The following SPTLC2 variants were observed in gnomAD, a reference collection of about 807,000 sequenced individuals.
SPTLC2 encodes the protein serine palmitoyltransferase 2.
In SPTLC2, 21 loss-of-function variants were observed where a neutral mutation model predicts 62.0. That is an observed-to-expected ratio of 0.34 (90% CI 0.24 to 0.49). The LOEUF is 0.49. Ranked by LOEUF, SPTLC2 falls within the 20% of genes least tolerant of loss-of-function variation. The pLI is 0.99. For synonymous variants in SPTLC2, 261 were observed against 261.8 expected (o/e 1.00, Z 0.03); for missense variants, 511 against 713.0 (o/e 0.72, Z 3.23).
At chr14:77,591,920 T>C (rs552463986) in intron 2 of SPTLC2, among the ~76,000 whole-genome samples, 1 of 152,048 alleles carries the variant, frequency 6.6e-6, no homozygotes, top group South Asian at 2.1e-4. Flanking sequence ...AGACCGGGTT[T>C]CACCATGTTG....
chr14:77,508,757 A>C lies in SPTLC2; in HGVS notation c.*3527T>G, dbSNP rs567339680. 6.6e-6 allele frequency: 1 copy of C among 152,228 alleles called. No homozygotes were observed. The highest frequency in any genetic ancestry group is 2.4e-5 in the African/African-American group (1 of 41,528). 9.4% of individuals were successfully genotyped at this position (152,228 alleles called of 1,614,324 possible). A position where few individuals can be genotyped will look rare whatever the true frequency, so the allele number is the denominator to read the frequency against. On this transcript the variant is annotated 3_prime_UTR_variant, in exon 12 of 12. Transcript: ENST00000216484. ...AGGTAATGAAGAAATTTGAAAAAAAATTTTTTTTAAAAGCCAAAGGAGCTA... is the reference window on the plus strand; with the variant it reads ...AGGTAATGAAGAAATTTGAAAAAAACTTTTTTTTAAAAGCCAAAGGAGCTA...
rs769368301 is a variant in SPTLC2, at chr14:77,578,960, G to C, written c.477C>G (p.Ser159=). The change falls in exon 3 of 12, where the codon TCC becomes TCG. Residue 159 remains serine (S), a synonymous_variant. Coordinates refer to ENST00000216484, the MANE Select transcript of SPTLC2 (RefSeq NM_004863.4). ...MERQSHDYNW[S]FKYTGNIIKG... ...ATTTCCCAACCAAGACTCACTTGAAGGACCAGTTATAATCATGAGACTGTC... is the reference window on the plus strand; with the variant it reads ...ATTTCCCAACCAAGACTCACTTGAACGACCAGTTATAATCATGAGACTGTC... The C allele has an allele frequency of 6.2e-7, 1 of 1,613,994 alleles. No homozygotes were observed. Among genetic ancestry groups the C allele is most frequent in the Admixed American group, 1.7e-5 (1 of 59,994 alleles).
chr14:77,563,084 T>G (rs1302933205), intron 5 of SPTLC2, among the ~76,000 whole-genome samples: 3 of 149,422 alleles, frequency 2.0e-5, no homozygotes, highest in African/African-American at 7.7e-5. Flanking sequence ...GATCTCGGTT[T>G]GGTTTTTTTT....
chr14:77,616,048 G>A (rs1383510156), intron 1 of SPTLC2, among the ~76,000 whole-genome samples: 2 of 152,206 alleles, frequency 1.3e-5, no homozygotes, highest in African/African-American at 4.8e-5. Flanking sequence ...GACGACTGCA[G>A]GACTTTAAAA....
intron 3 of SPTLC2, among the ~76,000 whole-genome samples, chr14:77,577,247 C>T (rs1187597817): frequency 6.7e-6 from 1 of 150,134 alleles, no homozygotes; most frequent in Non-Finnish European, 1.5e-5. Flanking sequence ...CAGTAACTCC[C>T]GCACATGAGA....
chr14:77,562,286 C>T lies in SPTLC2; in HGVS notation c.850+110G>A, dbSNP rs1021423722. 17 of 961,640 alleles carry T rather than the reference C, an allele frequency of 1.8e-5. No homozygotes were observed. In the African/African-American group the frequency reaches 1.9e-4, roughly 11 times the overall value. The allele number at this position is 961,640 out of a possible 1,614,324, so 59.6% of individuals were successfully genotyped here. On this transcript the variant is annotated intron_variant, in intron 6 of 11. Coordinates refer to ENST00000216484, the MANE Select transcript of SPTLC2 (RefSeq NM_004863.4). ...CGGAAGAACATTTTAAATGTTGCTACTTTGTCTTCATTTATACTTTCAAGT... is the reference window on the plus strand; with the variant it reads ...CGGAAGAACATTTTAAATGTTGCTATTTTGTCTTCATTTATACTTTCAAGT...
intron 10 of SPTLC2, among the ~76,000 whole-genome samples, chr14:77,520,565 TA>T (rs1433300767): frequency 6.6e-6 from 1 of 152,262 alleles, no homozygotes; most frequent in Non-Finnish European, 1.5e-5. Context: ...ACTGAGCCTA[TA>T]CTAAGCAGGT....
At position 77,512,282 on chromosome 14, in the gene SPTLC2, G is replaced by T. The variant is rs770877756; in HGVS notation, c.*2C>A. Reference sequence around the variant, plus strand: ...GTTCCTCTGAGGGAGCACCAAAAAGGCTCAGTCTTCTGTTTCTTCATACGT... The same window carrying T: ...GTTCCTCTGAGGGAGCACCAAAAAGTCTCAGTCTTCTGTTTCTTCATACGT... On this transcript the variant is annotated 3_prime_UTR_variant, in exon 12 of 12. Coordinates refer to ENST00000216484, the MANE Select transcript of SPTLC2 (RefSeq NM_004863.4). The T allele has an allele frequency of 4.3e-6, 7 of 1,613,888 alleles. No individual in the cohort carries two copies. The highest frequency in any genetic ancestry group is 5.9e-6 in the Non-Finnish European group (7 of 1,180,010).
At chr14:77,553,719 G>A (rs1208880146) in intron 8 of SPTLC2, among the ~76,000 whole-genome samples, 1 of 117,618 alleles carries the variant, frequency 8.5e-6, no homozygotes, top group East Asian at 2.3e-4. Flanking sequence ...AATGGAGTAA[G>A]GCTTGGTCTC....
intron 1 of SPTLC2, among the ~76,000 whole-genome samples, chr14:77,609,603 G>A (rs2079924105): frequency 6.6e-6 from 1 of 152,226 alleles, no homozygotes; most frequent in East Asian, 1.9e-4. Context: ...TGGGCGTGGT[G>A]GCATGTGCCT....
intron 9 of SPTLC2, among the ~76,000 whole-genome samples, chr14:77,542,933 A>C (rs2079509142): frequency 6.6e-6 from 1 of 152,234 alleles, no homozygotes; most frequent in South Asian, 2.1e-4. Flanking sequence ...AATGGTTGCT[A>C]ATGCACAGCC....
At chr14:77,529,661 C>T (rs1200138974) in intron 9 of SPTLC2, among the ~76,000 whole-genome samples, 2 of 99,202 alleles carry the variant, frequency 2.0e-5, no homozygotes, top group African/African-American at 6.4e-5. Flanking sequence ...GTCATTCTGT[C>T]GCCCAGGCTG....
chr14:77,602,509 G>T (rs17751993), intron 1 of SPTLC2, among the ~76,000 whole-genome samples: 13,513 of 151,604 alleles, frequency 0.089, 806 homozygotes, highest in Admixed American at 0.18. Flanking sequence ...CTTCCTGTGG[G>T]GCACGAGAGA....
intron 2 of SPTLC2, among the ~76,000 whole-genome samples, chr14:77,595,748 C>T: frequency 6.6e-6 from 1 of 152,208 alleles, no homozygotes; most frequent in Admixed American, 6.5e-5. Context: ...AATCAATGTT[C>T]ACTGGCTCGT....
intron 2 of SPTLC2, among the ~76,000 whole-genome samples, chr14:77,580,554 GAAAAAAAA>G (rs11322822): frequency 1.5e-5 from 2 of 129,384 alleles, no homozygotes; most frequent in African/African-American, 5.8e-5. Flanking sequence ...TTTTAAAAAA[GAAAAAAAA>G]AAAAAAAAAA....
chr14:77,581,649 C>T (rs756454897), intron 2 of SPTLC2, among the ~76,000 whole-genome samples: 4 of 151,836 alleles, frequency 2.6e-5, no homozygotes, highest in Admixed American at 6.6e-5. Flanking sequence ...TGACCTCAGG[C>T]GATCCACCCA....
intron 9 of SPTLC2, among the ~76,000 whole-genome samples, chr14:77,539,483 C>CTTTTTTTTTTTTTTT (rs71128638): frequency 5.6e-5 from 3 of 53,466 alleles, no homozygotes; most frequent in Admixed American, 3.2e-4. Context: ...TCTTAAGAGG[C>CTTTTTTTTTTTTTTT]TTTTTTTTTT....
At chr14:77,594,698 C>A (rs1296476223) in intron 2 of SPTLC2, among the ~76,000 whole-genome samples, 1 of 152,210 alleles carries the variant, frequency 6.6e-6, no homozygotes, top group African/African-American at 2.4e-5. Context: ...CAGATTCTCC[C>A]AAACATTCTT....
rs765457530 is a variant in SPTLC2 at position 77,555,375 on chromosome 14, G to A, written c.1101C>T (p.Pro367=). The change falls in exon 8 of 12, where the codon CCC becomes CCT. Residue 367 remains proline, a synonymous_variant. Coordinates refer to ENST00000216484, the MANE Select transcript of SPTLC2 (RefSeq NM_004863.4). ...TTCCCATCATAACATCCACATCCTCGGGATCCAGGCCAAAGTACTCCACCA... is the reference window on the plus strand; with the variant it reads ...TTCCCATCATAACATCCACATCCTCAGGATCCAGGCCAAAGTACTCCACCA... ...RGVVEYFGLD[P]EDVDVMMGTF... 1.8e-5 allele frequency: 29 copies of A among 1,613,902 alleles called. No homozygotes were observed. Among genetic ancestry groups the A allele is most frequent in the Admixed American group, 6.7e-5 (4 of 59,976 alleles).
Sources: gnomAD v4.1 joint callset for allele counts (sites outside exome capture counted in the v4.1 genomes callset) on GRCh38, gnomAD v4.1.1 for gene constraint, MANE v1.5 for transcripts, NCBI Gene and HGNC (gene_info 2026-07-23, HGNC 2026-07-21) for gene names.